THSD7A: variants seen among roughly 807,000 people sequenced by gnomAD.
The protein encoded by THSD7A is thrombospondin type 1 domain containing 7A.
In THSD7A, 96 loss-of-function variants were observed where a neutral mutation model predicts 231.3. That is an observed-to-expected ratio of 0.41 (90% CI 0.35 to 0.49). THSD7A has a LOEUF of 0.49. THSD7A is among the 20% of genes least tolerant of loss of function. The probability of loss-of-function intolerance (pLI) is 0.05; values close to 1 mark genes in which losing one functional copy is unlikely to be tolerated. For missense variants in THSD7A, 2,290 were observed against 2,070.2 expected (o/e 1.11, Z -2.06); for synonymous variants, 940 against 743.3 (o/e 1.26, Z -4.30).
intron 23 of THSD7A, among the ~76,000 whole-genome samples, chr7:11,391,913 C>T (rs1782997146): frequency 6.6e-6 from 1 of 152,072 alleles, no homozygotes; most frequent in Non-Finnish European, 1.5e-5. Context: ...AGCTTGCCCT[C>T]CGTGGGCTGC....
At chr7:11,639,605 T>A (rs1782000898) in intron 1 of THSD7A, among the ~76,000 whole-genome samples, 1 of 151,820 alleles carries the variant, frequency 6.6e-6, no homozygotes, top group East Asian at 1.9e-4. Context: ...GAGGTGGAGG[T>A]TGCAGTGAGC....
At chr7:11,531,932 C>T (rs757670549) in intron 6 of THSD7A, among the ~76,000 whole-genome samples, 1 of 152,144 alleles carries the variant, frequency 6.6e-6, no homozygotes, top group Non-Finnish European at 1.5e-5. Context: ...GCAAGTACCT[C>T]TCATCAAAAG....
intron 23 of THSD7A, among the ~76,000 whole-genome samples, chr7:11,382,940 A>C (rs1056106393): frequency 4.0e-5 from 6 of 150,546 alleles, no homozygotes; most frequent in East Asian, 1.9e-4. Context: ...ATATATATAT[A>C]TCTCCCATCA....
chr7:11,629,808 T>A (rs1584109732), intron 2 of THSD7A, among the ~76,000 whole-genome samples: 1 of 152,208 alleles, frequency 6.6e-6, no homozygotes, highest in Non-Finnish European at 1.5e-5. Flanking sequence ...GAAAGATATA[T>A]AGGATTTTAT....
intron 2 of THSD7A, among the ~76,000 whole-genome samples, chr7:11,629,822 T>C (rs73676054): frequency 6.6e-6 from 1 of 152,152 alleles, no homozygotes; most frequent in African/African-American, 2.4e-5. Context: ...ATTTTATGTC[T>C]GCAATTTTAG....
chr7:11,516,948 G>A (rs543168912), intron 6 of THSD7A, among the ~76,000 whole-genome samples: 11 of 152,090 alleles, frequency 7.2e-5, no homozygotes, highest in Non-Finnish European at 1.3e-4. Flanking sequence ...TTTACATGAT[G>A]CAATGAAATA....
At chr7:11,717,907 T>A (rs1197844252) in intron 1 of THSD7A, among the ~76,000 whole-genome samples, 1 of 151,594 alleles carries the variant, frequency 6.6e-6, no homozygotes, top group Non-Finnish European at 1.5e-5. Context: ...GCTTTCAGAG[T>A]ACCTTCTAGA....
intron 8 of THSD7A, among the ~76,000 whole-genome samples, chr7:11,472,694 C>T (rs576412579): frequency 6.6e-6 from 1 of 152,276 alleles, no homozygotes. Context: ...GGCTCTTTCA[C>T]ATATAGGCGT....
chr7:11,701,057 T>C (rs575633227), intron 1 of THSD7A, among the ~76,000 whole-genome samples: 22 of 151,440 alleles, frequency 1.5e-4, no homozygotes, highest in African/African-American at 5.1e-4. Flanking sequence ...CTTTTAAAAA[T>C]AAGTTTTCAT....
intron 1 of THSD7A, among the ~76,000 whole-genome samples, chr7:11,787,653 G>A (rs925626491): frequency 6.6e-5 from 10 of 152,032 alleles, no homozygotes; most frequent in African/African-American, 2.4e-4. Flanking sequence ...GCATATGAAA[G>A]ATGTTTCACA....
In THSD7A at chr7:11,444,161, C is replaced by A. The variant is rs1051337149; in HGVS notation, c.3064+1900G>T. 3.3e-5 allele frequency among the ~76,000 whole-genome samples: 5 copies of A among 151,914 alleles called. No homozygotes were observed. Among genetic ancestry groups the A allele is most frequent in the Middle Eastern group, 3.2e-3 (1 of 316 alleles). ...AAAGTCAGGAAACAACAGATGCTGG[C>A]GAGGATGTGGAGAAAGAGGAACACT... is the stretch of plus-strand genomic sequence containing the variant. On this transcript the variant is annotated intron_variant, in intron 13 of 27. Coordinates refer to ENST00000423059, the MANE Select transcript of THSD7A (RefSeq NM_015204.3). This position sits in a 1 kb window ranked among gnomAD's most constrained non-coding sequence, Gnocchi z 4.2.
chr7:11,380,948 AT>A (rs1782489888), intron 24 of THSD7A, among the ~76,000 whole-genome samples: 1 of 152,214 alleles, frequency 6.6e-6, no homozygotes, highest in African/African-American at 2.4e-5. Context: ...AATAGCCCCA[AT>A]TGCAGTGGAA....
intron 2 of THSD7A, among the ~76,000 whole-genome samples, chr7:11,628,763 T>G (rs1373328800): frequency 6.6e-6 from 1 of 152,226 alleles, no homozygotes; most frequent in Non-Finnish European, 1.5e-5. Context: ...GTGAATTAAT[T>G]AGTTAATGAG....
At chr7:11,394,510 C>T (rs1583662150) in intron 23 of THSD7A, among the ~76,000 whole-genome samples, 1 of 152,308 alleles carries the variant, frequency 6.6e-6, no homozygotes, top group East Asian at 1.9e-4. Flanking sequence ...GGCAGCTGTT[C>T]TCTGACCCTG....
chr7:11,767,602 A>G (rs1295867480), intron 1 of THSD7A, among the ~76,000 whole-genome samples: 3 of 152,202 alleles, frequency 2.0e-5, no homozygotes, highest in African/African-American at 7.2e-5. Flanking sequence ...ATTTTATTAT[A>G]TAGTATTTTC....
chr7:11,711,580 T>C (rs1003735283), intron 1 of THSD7A, among the ~76,000 whole-genome samples: 3 of 151,082 alleles, frequency 2.0e-5, no homozygotes, highest in Non-Finnish European at 4.5e-5. Flanking sequence ...AAAATTGTTA[T>C]AGGGATTACA....
intron 1 of THSD7A, among the ~76,000 whole-genome samples, chr7:11,808,172 AC>A (rs1375455663): frequency 6.8e-6 from 1 of 147,708 alleles, no homozygotes; most frequent in Non-Finnish European, 1.5e-5. Flanking sequence ...ACACACACAC[AC>A]TGCTATGGTT....
chr7:11,758,853 T>C (rs1337275282), intron 1 of THSD7A, among the ~76,000 whole-genome samples: 1 of 152,072 alleles, frequency 6.6e-6, no homozygotes, highest in East Asian at 1.9e-4. Context: ...TCTGCCATTG[T>C]AATGGGAAAG....
At chr7:11,415,077 T>C (rs1783915455) in intron 17 of THSD7A, among the ~76,000 whole-genome samples, 1 of 152,218 alleles carries the variant, frequency 6.6e-6, no homozygotes, top group Admixed American at 6.5e-5. Context: ...TATACCCTCT[T>C]TGGATGTGTA....
Sources: gnomAD v4.1 joint callset for allele counts (sites outside exome capture counted in the v4.1 genomes callset) on GRCh38, gnomAD v4.1.1 for gene constraint, Gnocchi (gnomAD v3.1) non-coding constraint, MANE v1.5 for transcripts, NCBI Gene and HGNC (gene_info 2026-07-23, HGNC 2026-07-21) for gene names.